Variants in PTPRD observed in about 807,000 individuals in gnomAD.
The protein encoded by PTPRD is protein tyrosine phosphatase receptor type D.
PTPRD carries 34 observed loss-of-function variants against 214.5 expected under a neutral mutation model. The observed-to-expected ratio is 0.16, with a 90% CI of 0.12 to 0.21. The LOEUF (loss-of-function observed/expected upper bound fraction) is 0.21, where lower values mean the gene tolerates loss of function less well. Ranked by LOEUF, PTPRD falls within the 10% of genes least tolerant of loss-of-function variation. The probability of loss-of-function intolerance (pLI) is 1.00; values close to 1 mark genes in which losing one functional copy is unlikely to be tolerated. For synonymous variants in PTPRD, 1,128 were observed against 845.7 expected, an observed-to-expected ratio of 1.33 and a Z score of -5.79; for missense variants, 2,545 against 2,398.7, an observed-to-expected ratio of 1.06 and a Z score of -1.27.
intron 10 of PTPRD, among the ~76,000 whole-genome samples, chr9:9,164,916 G>C (rs2099899227): frequency 6.6e-6 from 1 of 151,092 alleles, no homozygotes; most frequent in Non-Finnish European, 1.5e-5. Flanking sequence ...AGCCGGGTGT[G>C]GTGGTGCACA....
At chr9:8,481,139 CAAAAAAA>C (rs34451513) in intron 30 of PTPRD, among the ~76,000 whole-genome samples, 5 of 39,460 alleles carry the variant, frequency 1.3e-4, no homozygotes, top group South Asian at 1.1e-3. Flanking sequence ...GACTCCGTCT[CAAAAAAA>C]AAAAAAAAAA....
chr9:9,828,191 AG>A (rs1166206650), intron 5 of PTPRD, among the ~76,000 whole-genome samples: 2 of 152,158 alleles, frequency 1.3e-5, no homozygotes, highest in African/African-American at 4.8e-5. Flanking sequence ...GCTGCTATAA[AG>A]ACACATACAC....
intron 11 of PTPRD, among the ~76,000 whole-genome samples, chr9:8,977,210 T>C (rs1463356344): frequency 2.0e-5 from 3 of 152,116 alleles, no homozygotes. Flanking sequence ...CTGGTTTAAC[T>C]GACTAATTTA....
rs1821837426 is a variant in PTPRD at position 8,316,462 on chromosome 9, T to G, written c.*1412A>C. On this transcript the variant is annotated 3_prime_UTR_variant, in exon 46 of 46. Transcript: ENST00000381196. The stretch of plus-strand genomic sequence containing the variant: ...AACATGAATTTGGCTTTGCCCCTGT[T>G]ACATATCATAAATGCAAATTTCATA... 1 of 230,586 alleles carries G rather than the reference T, an allele frequency of 4.3e-6. No individual in the cohort carries two copies. The highest frequency in any genetic ancestry group is 2.2e-5 in the African/African-American group (1 of 45,052). The allele number at this position is 230,586 out of a possible 1,614,324, so 14.3% of individuals were successfully genotyped here.
chr9:9,713,945 G>A (rs868770449), intron 7 of PTPRD, among the ~76,000 whole-genome samples: 15 of 152,076 alleles, frequency 9.9e-5, no homozygotes, highest in Non-Finnish European at 1.9e-4. Flanking sequence ...TTCCAGGAAG[G>A]TAGGTTACCC....
At chr9:8,721,208 C>T (rs1446657318) in intron 12 of PTPRD, among the ~76,000 whole-genome samples, 1 of 151,882 alleles carries the variant, frequency 6.6e-6, no homozygotes, top group East Asian at 1.9e-4. Flanking sequence ...GCAGGGGGAT[C>T]ATCTGAGGTC....
rs1458288361 is a variant in PTPRD at position 9,970,640 on chromosome 9, T to G, written c.-471-32030A>C. On this transcript the variant is annotated intron_variant, in intron 4 of 45. Transcript: ENST00000381196. The stretch of plus-strand genomic sequence containing the variant: ...ATTTGTATGGATCTGTCAAACGGTC[T>G]TTTGTTTAGGTAGTTACAGAGAACA... Among the ~76,000 whole-genome samples the G allele has an allele frequency of 5.9e-5, 9 of 152,046 alleles. No homozygotes were observed. The East Asian group carries it at 1.7e-3, about 29-fold the overall frequency.
At chr9:9,415,989 G>A (rs192148383) in intron 8 of PTPRD, among the ~76,000 whole-genome samples, 36 of 152,282 alleles carry the variant, frequency 2.4e-4, no homozygotes, top group African/African-American at 8.2e-4. Flanking sequence ...TTACAGGATA[G>A]GATAGATGTA....
chr9:8,614,366 T>C (rs931300596), intron 14 of PTPRD, among the ~76,000 whole-genome samples: 3 of 152,296 alleles, frequency 2.0e-5, no homozygotes, highest in Admixed American at 1.3e-4. Context: ...ATGAGACTAA[T>C]GAGTTCAGAG....
chr9:9,152,420 C>T (rs897756113), intron 10 of PTPRD, among the ~76,000 whole-genome samples: 4 of 152,146 alleles, frequency 2.6e-5, no homozygotes, highest in Non-Finnish European at 4.4e-5. Context: ...CACTTTCACT[C>T]CTTGATTTGT....
At position 8,517,951 on chromosome 9, in the gene PTPRD, G is replaced by C. The variant is rs141031051; in HGVS notation, c.1440C>G (p.Gly480=). Residue 480 remains glycine (G), a synonymous_variant, in exon 21 of 46, where the codon GGC becomes GGG. Transcript: ENST00000381196. Reference sequence around the variant, plus strand: ...AATATGTTTTCTGGGGCACTAAGTTGCCAATAGTAGTGATTTGGCTGTCAG... The same window carrying C: ...AATATGTTTTCTGGGGCACTAAGTTCCCAATAGTAGTGATTTGGCTGTCAG... ...NVADSQITTI[G]NLVPQKTYSV... 1.1e-5 allele frequency: 18 copies of C among 1,614,142 alleles called. No individual in the cohort carries two copies. The African/African-American group carries it at 2.4e-4, about 22-fold the overall frequency.
intron 9 of PTPRD, among the ~76,000 whole-genome samples, chr9:9,388,930 A>G (rs897804808): frequency 4.6e-5 from 7 of 152,176 alleles, no homozygotes; most frequent in Non-Finnish European, 1.0e-4. Flanking sequence ...AATCAGGATC[A>G]TTAGGGAGAG....
intron 2 of PTPRD, among the ~76,000 whole-genome samples, chr9:10,504,886 G>C (rs1018185027): frequency 6.6e-6 from 1 of 152,118 alleles, no homozygotes; most frequent in Admixed American, 6.5e-5. Flanking sequence ...ATGTGCACCT[G>C]TCTGTTAATG....
intron 9 of PTPRD, among the ~76,000 whole-genome samples, chr9:9,363,291 T>C (rs1343007917): frequency 6.6e-6 from 1 of 151,106 alleles, no homozygotes; most frequent in African/African-American, 2.4e-5. Context: ...TAACAAGTCT[T>C]AACATTCTAG....
At chr9:9,962,349 G>A (rs1673012239) in intron 4 of PTPRD, among the ~76,000 whole-genome samples, 1 of 151,960 alleles carries the variant, frequency 6.6e-6, no homozygotes, top group South Asian at 2.1e-4. Flanking sequence ...GGAAGCTAAA[G>A]GCAGTAGTTA....
intron 2 of PTPRD, among the ~76,000 whole-genome samples, chr9:10,415,280 T>G (rs771392712): frequency 5.9e-5 from 9 of 151,902 alleles, no homozygotes; most frequent in Admixed American, 3.3e-4. Flanking sequence ...ATGCACTTTA[T>G]TCCTCAGAGA....
At chr9:9,038,808 C>T (rs553805214) in intron 10 of PTPRD, among the ~76,000 whole-genome samples, 1 of 152,142 alleles carries the variant, frequency 6.6e-6, no homozygotes, top group African/African-American at 2.4e-5. Context: ...CAGTCCGCCT[C>T]GGACTCCCAC....
intron 10 of PTPRD, among the ~76,000 whole-genome samples, chr9:9,147,654 T>C (rs554888323): frequency 4.0e-4 from 61 of 152,322 alleles, no homozygotes; most frequent in African/African-American, 1.4e-3. Context: ...GCTTTCAAGT[T>C]ACAATTGCAG....
chr9:9,530,685 A>G (rs993390661), intron 8 of PTPRD, among the ~76,000 whole-genome samples: 5 of 152,202 alleles, frequency 3.3e-5, no homozygotes, highest in Admixed American at 2.0e-4. Context: ...ATGACACACA[A>G]TGAAATACTA....
Sources: allele counts gnomAD v4.1 joint callset (sites outside exome capture counted in the v4.1 genomes callset), GRCh38; gene constraint gnomAD v4.1.1; transcripts MANE v1.5; gene names NCBI Gene and HGNC (gene_info 2026-07-23, HGNC 2026-07-21).